The following ALMS1 variants were observed in gnomAD, a reference collection of about 807,000 sequenced individuals.
The protein encoded by ALMS1 is centrosome-associated protein ALMS1.
In ALMS1, 271 loss-of-function variants were observed where a neutral mutation model predicts 352.2. That is an observed-to-expected ratio of 0.77 (90% CI 0.70 to 0.85). The LOEUF (loss-of-function observed/expected upper bound fraction) is 0.85. Among genes scored for constraint, ALMS1 ranks in the 40% least tolerant of loss-of-function variants. The pLI, the probability that ALMS1 is intolerant of heterozygous loss-of-function variation, is 0.00. For synonymous variants in ALMS1, 1,865 were observed against 1,761.2 expected (o/e 1.06, Z -1.48); for missense variants, 5,445 against 4,870.7 (o/e 1.12, Z -3.51).
chr2:73,446,055 A>G (rs929771651), intron 7 of ALMS1, among the ~76,000 whole-genome samples: 6 of 152,154 alleles, frequency 3.9e-5, no homozygotes, highest in Non-Finnish European at 5.9e-5. Flanking sequence ...TTTGACATAT[A>G]TGTCCTTAAC....
At position 73,490,889 on chromosome 2, in the gene ALMS1, A is replaced by G. The variant is rs1238213553; in HGVS notation, c.8930A>G (p.Asp2977Gly). Residue 2977 changes from aspartate (D) to glycine (G), a missense_variant, in exon 10 of 23, where the codon GAT becomes GGT. Asp to Gly is a moderately conservative substitution (Grantham distance 94). Transcript: ENST00000613296. ...EQCQSKAPGV[D>G]DQMNKHHFPL... The stretch of plus-strand genomic sequence containing the variant: ...TGCCAAAGCAAAGCGCCAGGTGTAG[A>G]TGACCAAATGAATAAACACCATTTT... The G allele has an allele frequency of 3.1e-6, 5 of 1,614,074 alleles. No individual in the cohort carries two copies. The highest frequency in any genetic ancestry group is 2.7e-5 in the African/African-American group (2 of 74,938).
intron 15 of ALMS1, among the ~76,000 whole-genome samples, chr2:73,562,779 C>T (rs1674692882): frequency 6.6e-6 from 1 of 151,868 alleles, no homozygotes; most frequent in Non-Finnish European, 1.5e-5. Flanking sequence ...CCCAGCTACT[C>T]AGAAGGCTGA....
At chr2:73,527,056 G>A (rs1018884969) in intron 11 of ALMS1, among the ~76,000 whole-genome samples, 2 of 151,884 alleles carry the variant, frequency 1.3e-5, no homozygotes, top group African/African-American at 4.8e-5. Flanking sequence ...CCATTTTGTT[G>A]ATGAGGCATC....
chr2:73,573,814 A>AAC (rs200713769), intron 16 of ALMS1, among the ~76,000 whole-genome samples: 1 of 150,960 alleles, frequency 6.6e-6, no homozygotes, highest in Non-Finnish European at 1.5e-5. Flanking sequence ...GGTTCTTTTA[A>AAC]ACACACACAC....
chr2:73,578,576 A>G lies in ALMS1; in HGVS notation c.11547+5152A>G, dbSNP rs566884874. ...ATTGAGGATTACAATTAATATCTTA[A>G]ACATGTAACAGCCTGATATGAAATA... On this transcript the variant is annotated intron_variant, in intron 16 of 22. Transcript: ENST00000613296. 1.4e-4 allele frequency among the ~76,000 whole-genome samples: 21 copies of G among 152,246 alleles called. No homozygotes were observed. The South Asian group carries it at 4.4e-3, about 32-fold the overall frequency.
At chr2:73,532,635 C>A (rs1673939607) in intron 11 of ALMS1, among the ~76,000 whole-genome samples, 1 of 152,166 alleles carries the variant, frequency 6.6e-6, no homozygotes, top group Non-Finnish European at 1.5e-5. Context: ...AATGGCCTCC[C>A]TTCTGGCCCA....
chr2:73,431,682 G>A (rs550296782), intron 6 of ALMS1, among the ~76,000 whole-genome samples: 4 of 152,180 alleles, frequency 2.6e-5, no homozygotes, highest in South Asian at 2.1e-4. Flanking sequence ...GTTGGTAACC[G>A]ATCACAGTTA....
At chr2:73,557,631 T>G (rs1355212379) in intron 14 of ALMS1, among the ~76,000 whole-genome samples, 1 of 152,242 alleles carries the variant, frequency 6.6e-6, no homozygotes, top group East Asian at 1.9e-4. Flanking sequence ...ATTCATTTAA[T>G]GGACTTTTTA....
chr2:73,557,193 T>C lies in ALMS1; in HGVS notation c.10079-27T>C, dbSNP rs187204111. 1.9e-6 allele frequency: 3 copies of C among 1,613,968 alleles called. No homozygotes were observed. In the Admixed American group the frequency reaches 5.0e-5, roughly 27 times the overall value. ...GTTGTGTTTATTATCTTTCCTTTTC[T>C]GAAATCAAATGATGTCGTTATTCCA... On this transcript the variant is annotated intron_variant, in intron 13 of 22. Coordinates refer to ENST00000613296, the MANE Select transcript of ALMS1 (RefSeq NM_001378454.1).
intron 1 of ALMS1, among the ~76,000 whole-genome samples, chr2:73,387,024 C>T (rs746748322): frequency 6.6e-6 from 1 of 152,124 alleles, no homozygotes. Context: ...TGAAAAATTC[C>T]ATGCGTCTGT....
At chr2:73,540,325 A>AT (rs1428556819) in intron 12 of ALMS1, among the ~76,000 whole-genome samples, 3 of 152,226 alleles carry the variant, frequency 2.0e-5, no homozygotes, top group African/African-American at 7.2e-5. Context: ...ATGCTGAGAG[A>AT]TTTTGTCACC....
chr2:73,573,183 C>T lies in ALMS1; in HGVS notation c.11306C>T (p.Thr3769Ile). ...STVESDILTQ[T>I]DREVALHERS... ...GTCGAATCAGATATATTGACCCAAA[C>T]AGATAGAGAGGTGGCTCTGCACGAA... is the stretch of plus-strand genomic sequence containing the variant. The change falls in exon 16 of 23, where the codon ACA (threonine) becomes ATA (isoleucine). Residue 3769 changes from threonine to isoleucine, a missense_variant. Physicochemically the swap from Thr to Ile is moderately conservative, Grantham distance 89. Transcript: ENST00000613296. 1.2e-6 allele frequency: 2 copies of T among 1,612,900 alleles called. No individual in the cohort carries two copies. Among genetic ancestry groups the T allele is most frequent in the Non-Finnish European group, 1.7e-6 (2 of 1,179,344 alleles).
chr2:73,586,370 T>G (rs999599835), intron 16 of ALMS1, among the ~76,000 whole-genome samples: 1 of 152,222 alleles, frequency 6.6e-6, no homozygotes, highest in African/African-American at 2.4e-5. Context: ...AGAATTGTTA[T>G]GGTTTCAGGT....
At chr2:73,412,991 TC>T (rs1216619419) in intron 2 of ALMS1, among the ~76,000 whole-genome samples, 1 of 151,928 alleles carries the variant, frequency 6.6e-6, no homozygotes, top group Non-Finnish European at 1.5e-5. Context: ...TTTCTTTTTT[TC>T]TTTTTTTTTT....
In ALMS1 at chr2:73,551,425, CTTTTTTTTTTTTTTTTT is replaced by C. The variant is rs372741747; in HGVS notation, c.10078+1000_10078+1016del. Reference sequence around the variant, plus strand: ...TCACTGTGGGTATTTGAGTTTCAATCTTTTTTTTTTTTTTTTTTTTTTTTTTTTGAGTTGGAGTTGCG... The same window carrying C: ...TCACTGTGGGTATTTGAGTTTCAATCTTTTTTTTTTTGAGTTGGAGTTGCG... On this transcript the variant is annotated intron_variant, in intron 13 of 22. Coordinates refer to ENST00000613296, the MANE Select transcript of ALMS1 (RefSeq NM_001378454.1). 1.1e-3 allele frequency among the ~76,000 whole-genome samples: 84 copies of C among 73,708 alleles called. 2 individuals are homozygous for C. The highest frequency in any genetic ancestry group is 0.011 in the East Asian group (35 of 3,108). The allele number at this position is 73,708 out of a possible 152,430, so 48.4% of individuals were successfully genotyped here. A position where few individuals can be genotyped will look rare whatever the true frequency, so the allele number is the denominator to read the frequency against.
chr2:73,445,936 A>G (rs971278791), intron 7 of ALMS1, among the ~76,000 whole-genome samples: 3 of 152,000 alleles, frequency 2.0e-5, no homozygotes, highest in African/African-American at 7.3e-5. Flanking sequence ...GGCTGAGAGA[A>G]TAATAAGGAC....
chr2:73,578,606 C>G (rs895607861), intron 16 of ALMS1, among the ~76,000 whole-genome samples: 3 of 151,920 alleles, frequency 2.0e-5, no homozygotes, highest in South Asian at 2.1e-4. Flanking sequence ...GAAATAAAAC[C>G]AACTTAGCTT....
intron 9 of ALMS1, chr2:73,471,067 T>A (rs1210516417): frequency 6.6e-6 from 1 of 151,858 alleles, no homozygotes; most frequent in East Asian, 1.9e-4. Flanking sequence ...TGTTTTTTGA[T>A]TAGGGAGTTT....
chr2:73,473,688 GAA>G (rs1271450245), intron 9 of ALMS1, among the ~76,000 whole-genome samples: 1 of 150,754 alleles, frequency 6.6e-6, no homozygotes, highest in Non-Finnish European at 1.5e-5. Context: ...TCGACAAAGA[GAA>G]ATTATAAAAA....
Sources: allele counts gnomAD v4.1 joint callset (sites outside exome capture counted in the v4.1 genomes callset), GRCh38; gene constraint gnomAD v4.1.1; transcripts MANE v1.5; gene names NCBI Gene and HGNC (gene_info 2026-07-23, HGNC 2026-07-21).